Variants in DDX4 observed in about 807,000 individuals in gnomAD.
DDX4 encodes DEAD-box helicase 4, also known as probable ATP-dependent RNA helicase DDX4.
DDX4 carries 25 observed loss-of-function variants against 100.0 expected under a neutral mutation model. That is an observed-to-expected ratio of 0.25 (90% CI 0.18 to 0.35). The LOEUF (loss-of-function observed/expected upper bound fraction) is 0.35. Ranked by LOEUF, DDX4 falls within the 10% of genes least tolerant of loss-of-function variation. The pLI is 1.00. For missense variants in DDX4, 635 were observed against 882.4 expected (o/e 0.72, Z 3.55); for synonymous variants, 259 against 275.7 (o/e 0.94, Z 0.60).
intron 13 of DDX4, 119 bp downstream of exon 13, chr5:55,785,990 A>C: frequency 1.9e-5 from 12 of 625,154 alleles, no homozygotes; most frequent in Non-Finnish European, 2.2e-5. Context: ...ATAAGGTCTT[A>C]GGTTGGAAAT....
intron 10 of DDX4, among the ~76,000 whole-genome samples, chr5:55,783,097 G>A (rs1742023067): frequency 6.6e-6 from 1 of 151,886 alleles, no homozygotes; most frequent in Non-Finnish European, 1.5e-5. Flanking sequence ...TGACCTTAAA[G>A]TTTTTTCAAA....
At chr5:55,803,484 C>T in intron 18 of DDX4, among the ~76,000 whole-genome samples, 1 of 95,674 alleles carries the variant, frequency 1.0e-5, no homozygotes, top group East Asian at 3.7e-4. Flanking sequence ...CCTCCCCCCA[C>T]CCCACAACAG....
At chr5:55,774,541 C>T (rs1741447340) in intron 7 of DDX4, among the ~76,000 whole-genome samples, 1 of 152,074 alleles carries the variant, frequency 6.6e-6, no homozygotes. Flanking sequence ...TTTATCAAAC[C>T]CAGTTTATCT....
At chr5:55,792,563 A>T in intron 16 of DDX4, 78 bp from the exon 17 acceptor site, 1 of 752,070 alleles carries the variant, frequency 1.3e-6, no homozygotes, top group Non-Finnish European at 1.9e-6. Context: ...ACAGTATTTT[A>T]ACAGTTGGAA....
chr5:55,758,868 TAAAAAAAAAA>T (rs35392036), intron 3 of DDX4, among the ~76,000 whole-genome samples: 11,140 of 70,838 alleles, frequency 0.16, 966 homozygotes, highest in Admixed American at 0.34. Flanking sequence ...TTTGTTTCCT[TAAAAAAAAAA>T]AAAAAAAAAA....
Position 55,765,413 on chromosome 5 carries a change from A to AATAT in DDX4, c.334+1370_334+1373dup, listed in dbSNP as rs397997793. Among the ~76,000 whole-genome samples, 305 of 82,976 alleles carry AATAT rather than the reference A, an allele frequency of 3.7e-3. 4 individuals carry two copies. Among genetic ancestry groups the AATAT allele is most frequent in the Middle Eastern group, 0.019 (3 of 160 alleles). 54.4% of individuals were successfully genotyped at this position (82,976 alleles called of 152,430 possible). On this transcript the variant is annotated intron_variant, in intron 6 of 21. Coordinates refer to ENST00000505374, the MANE Select transcript of DDX4 (RefSeq NM_024415.3). ...GTTCCCCTAAAAAAAAAAAAAAAAAAATATATATATATATATATATATATG... is the reference window on the plus strand; with the variant it reads ...GTTCCCCTAAAAAAAAAAAAAAAAAAATATATATATATATATATATATATATATG...
chr5:55,794,271 T>C (rs1372479842), intron 17 of DDX4, among the ~76,000 whole-genome samples: 5 of 150,714 alleles, frequency 3.3e-5, no homozygotes, highest in Non-Finnish European at 7.4e-5. Flanking sequence ...CACTGCAACC[T>C]CAATCTCCCG....
chr5:55,786,224 T>C (rs908056511), intron 13 of DDX4, among the ~76,000 whole-genome samples: 2 of 152,202 alleles, frequency 1.3e-5, no homozygotes, highest in Admixed American at 1.3e-4. Flanking sequence ...TTGATAATTA[T>C]ACTTAGAACA....
intron 18 of DDX4, among the ~76,000 whole-genome samples, chr5:55,806,565 C>T (rs991872885): frequency 2.0e-5 from 3 of 152,166 alleles, no homozygotes; most frequent in Non-Finnish European, 4.4e-5. Flanking sequence ...TTTATTTCTG[C>T]CTTCATTTTG....
At chr5:55,745,339 T>A (rs1308215412) in intron 2 of DDX4, among the ~76,000 whole-genome samples, 1 of 152,238 alleles carries the variant, frequency 6.6e-6, no homozygotes, top group Non-Finnish European at 1.5e-5. Context: ...TATATGGAAC[T>A]TGGCATACAA....
intron 7 of DDX4, among the ~76,000 whole-genome samples, chr5:55,778,333 C>G (rs1004575603): frequency 6.6e-6 from 1 of 151,758 alleles, no homozygotes; most frequent in South Asian, 2.1e-4. Context: ...TTAAATGCAT[C>G]AGAGAAAGGA....
chr5:55,752,681 T>G (rs1053186990), intron 3 of DDX4, among the ~76,000 whole-genome samples: 4 of 147,132 alleles, frequency 2.7e-5, no homozygotes, highest in African/African-American at 1.0e-4. Context: ...TGATTTATAG[T>G]CCTTTGGGTA....
chr5:55,778,937 G>A (rs1210750090), intron 7 of DDX4, among the ~76,000 whole-genome samples: 4 of 151,672 alleles, frequency 2.6e-5, no homozygotes, highest in East Asian at 3.9e-4. Context: ...CATTTAGTTC[G>A]TAAAACTCTA....
At position 55,785,781 on chromosome 5, in the gene DDX4, C is replaced by G; in HGVS notation, c.774C>G (p.Ile258Met). 6.2e-7 allele frequency: 1 copy of G among 1,611,148 alleles called. No individual in the cohort carries two copies. The highest frequency in any genetic ancestry group is 8.5e-7 in the Non-Finnish European group (1 of 1,177,318). Residue 258 changes from isoleucine to methionine, a missense_variant, in exon 13 of 22, where the codon ATC (isoleucine) becomes ATG (methionine). Ile to Met is a conservative substitution (Grantham distance 10). Transcript: ENST00000505374. ...PPPPPEDEDS[I>M]FAHYQTGINF... ...CTCCACCTGAGGATGAGGACTCCAT[C>G]TTTGCACATTATCAGACAGGCATAA...
chr5:55,758,455 G>C (rs908061304), intron 3 of DDX4, among the ~76,000 whole-genome samples: 3 of 152,062 alleles, frequency 2.0e-5, no homozygotes, highest in Non-Finnish European at 1.5e-5. Flanking sequence ...TGGAAGAGTT[G>C]TATGACAGTT....
chr5:55,762,131 A>G (rs753794449), intron 4 of DDX4, among the ~76,000 whole-genome samples: 66 of 152,334 alleles, frequency 4.3e-4, no homozygotes, highest in Non-Finnish European at 8.4e-4. Flanking sequence ...CAGGAGTTAC[A>G]CAGATCCCTT....
At chr5:55,815,811 G>T (rs1223859368) in intron 21 of DDX4, among the ~76,000 whole-genome samples, 6 of 136,544 alleles carry the variant, frequency 4.4e-5, no homozygotes, top group Admixed American at 7.8e-5. Context: ...TGGCTCTGTT[G>T]TCCAGGCTGG....
intron 2 of DDX4, among the ~76,000 whole-genome samples, chr5:55,740,943 TCTTA>T (rs764040710): frequency 7.2e-5 from 11 of 152,258 alleles, no homozygotes; most frequent in African/African-American, 1.4e-4. Flanking sequence ...AATGTTTACA[TCTTA>T]CTTGTTTTAA....
intron 2 of DDX4, 50 bp from the exon 3 acceptor site, chr5:55,746,114 C>T (rs532526521): frequency 1.8e-5 from 25 of 1,356,668 alleles, no homozygotes; most frequent in South Asian, 5.1e-5. Context: ...ATAAATGACA[C>T]GTTCATATTC....
Sources: allele counts gnomAD v4.1 joint callset (sites outside exome capture counted in the v4.1 genomes callset), GRCh38; gene constraint gnomAD v4.1.1; transcripts MANE v1.5; gene names NCBI Gene and HGNC (gene_info 2026-07-23, HGNC 2026-07-21).